AGO2: variants seen among roughly 807,000 people sequenced by gnomAD.
The protein encoded by AGO2 is protein argonaute-2.
A neutral mutation model predicts 102.3 loss-of-function variants in AGO2; 5 were observed. That is an observed-to-expected ratio of 0.05 (90% CI 0.03 to 0.10). AGO2 has a LOEUF of 0.10. Ranked by LOEUF, AGO2 falls within the 10% of genes least tolerant of loss-of-function variation. The pLI is 1.00. For missense variants in AGO2, 541 were observed against 1,183.7 expected, an observed-to-expected ratio of 0.46 and a Z score of 7.97; for synonymous variants, 449 against 473.1, an observed-to-expected ratio of 0.95 and a Z score of 0.66.
chr8:140,581,021 T>G (rs1004494310), intron 2 of AGO2, among the ~76,000 whole-genome samples: 1 of 152,368 alleles, frequency 6.6e-6, no homozygotes, highest in East Asian at 1.9e-4. Context: ...AACGAAGCCT[T>G]GGCCATGCCT....
chr8:140,567,197 A>G lies in AGO2; in HGVS notation c.337-4563T>C, dbSNP rs1273463181. Among the ~76,000 whole-genome samples, 1 of 152,250 alleles carries G rather than the reference A, an allele frequency of 6.6e-6. No individual in the cohort carries two copies. Among genetic ancestry groups the G allele is most frequent in the African/African-American group, 2.4e-5 (1 of 41,478 alleles). On this transcript the variant is annotated intron_variant, in intron 3 of 18. Coordinates refer to ENST00000220592, the MANE Select transcript of AGO2 (RefSeq NM_012154.5). This position sits in a 1 kb window ranked among gnomAD's most constrained non-coding sequence, Gnocchi z 5.0. ...TCCGCTTGGCCTGCAGAGAAAGGACAGCAGAGTCACCCCGGGCTCTGTAAC... is the reference window on the plus strand; with the variant it reads ...TCCGCTTGGCCTGCAGAGAAAGGACGGCAGAGTCACCCCGGGCTCTGTAAC...
chr8:140,605,616 G>A (rs1428300887), intron 1 of AGO2, among the ~76,000 whole-genome samples: 2 of 152,204 alleles, frequency 1.3e-5, no homozygotes, highest in Admixed American at 6.5e-5. Flanking sequence ...GGTGCCCAGC[G>A]GTAGGTCAGA....
chr8:140,551,616 G>C (rs2072996416), intron 10 of AGO2, among the ~76,000 whole-genome samples, 180 bp from the exon 11 acceptor site: 1 of 151,962 alleles, frequency 6.6e-6, no homozygotes, highest in South Asian at 2.1e-4. Flanking sequence ...AGGATCGGTA[G>C]ATGGATGGGC....
intron 1 of AGO2, among the ~76,000 whole-genome samples, chr8:140,605,127 CCT>C (rs1336397300): frequency 6.6e-6 from 1 of 152,048 alleles, no homozygotes; most frequent in African/African-American, 2.4e-5. Flanking sequence ...GTGGGGTCTT[CCT>C]CTCTTACTGA....
rs888079832 is a variant in AGO2 at position 140,520,378 on chromosome 8, G to T, written c.*11666C>A. The T allele has an allele frequency of 1.3e-5, 2 of 152,174 alleles. No homozygotes were observed. The highest frequency in any genetic ancestry group is 2.9e-5 in the Non-Finnish European group (2 of 68,022). 9.4% of individuals were successfully genotyped at this position (152,174 alleles called of 1,614,324 possible). A position where few individuals can be genotyped will look rare whatever the true frequency, so the allele number is the denominator to read the frequency against. ...ACAGTAAGAAACAAAACAAGTAACT[G>T]TTAGGTTTTCCATGAATTTATTGCA... On this transcript the variant is annotated 3_prime_UTR_variant, in exon 19 of 19. Transcript: ENST00000220592.
rs1401158591 is a variant in AGO2 at position 140,523,654 on chromosome 8, C to T, written c.*8390G>A. On this transcript the variant is annotated 3_prime_UTR_variant, in exon 19 of 19. Transcript: ENST00000220592. ...CATGAATTCATACCTTTAACAACTA[C>T]ATTAAAATCCACTATCAAACTCAGG... The T allele has an allele frequency of 6.6e-6, 1 of 152,200 alleles. No individual in the cohort carries two copies. The highest frequency in any genetic ancestry group is 1.5e-5 in the Non-Finnish European group (1 of 68,042). The allele number at this position is 152,200 out of a possible 1,614,324, so 9.4% of individuals were successfully genotyped here. A position where few individuals can be genotyped will look rare whatever the true frequency, so the allele number is the denominator to read the frequency against.
chr8:140,637,850 C>T (rs976853123), upstream of AGO2: 1 of 152,336 alleles, frequency 6.6e-6, no homozygotes, highest in African/African-American at 2.4e-5. Context: ...ACCTCTCCTG[C>T]CATTAGTGAA....
chr8:140,557,596 C>T lies in AGO2; in HGVS notation c.879-360G>A, dbSNP rs777104882. Among the ~76,000 whole-genome samples, 5 of 152,324 alleles carry T rather than the reference C, an allele frequency of 3.3e-5. No homozygotes were observed. Among genetic ancestry groups the T allele is most frequent in the African/African-American group, 4.8e-5 (2 of 41,562 alleles). On this transcript the variant is annotated intron_variant, in intron 7 of 18. Transcript: ENST00000220592. The surrounding 1 kb of genome is among the most constrained non-coding windows in gnomAD (Gnocchi z 5.9). Reference sequence around the variant, plus strand: ...AAGCCTTTTACGTGCCGCGCGCTCCCGGTGCCCAGAAGGCCTGAAGCCCCC... The same window carrying T: ...AAGCCTTTTACGTGCCGCGCGCTCCTGGTGCCCAGAAGGCCTGAAGCCCCC...
Position 140,540,074 on chromosome 8 carries a change from G to T in AGO2, c.2035-620C>A, listed in dbSNP as rs1008061155. 6.6e-6 allele frequency among the ~76,000 whole-genome samples: 1 copy of T among 152,090 alleles called. No individual in the cohort carries two copies. Among genetic ancestry groups the T allele is most frequent in the Non-Finnish European group, 1.5e-5 (1 of 68,020 alleles). On this transcript the variant is annotated intron_variant, in intron 15 of 18. Transcript: ENST00000220592. The surrounding 1 kb of genome is among the most constrained non-coding windows in gnomAD (Gnocchi z 5.0). Reference sequence around the variant, plus strand: ...CACTGCACTCCAGACTGGAGACAGCGAGAGTCTTTCTCAAAAAAAACAAAC... The same window carrying T: ...CACTGCACTCCAGACTGGAGACAGCTAGAGTCTTTCTCAAAAAAAACAAAC...
intron 1 of AGO2, among the ~76,000 whole-genome samples, chr8:140,609,362 AG>A (rs1197158992): frequency 1.3e-5 from 2 of 152,208 alleles, no homozygotes; most frequent in African/African-American, 4.8e-5. Flanking sequence ...TGGCCTGCGG[AG>A]ATCACAGGGG....
chr8:140,537,914 G>A (rs966523521), intron 16 of AGO2, among the ~76,000 whole-genome samples: 11 of 152,108 alleles, frequency 7.2e-5, no homozygotes, highest in Non-Finnish European at 1.5e-4. Flanking sequence ...TGCCTCCCAG[G>A]TTTAAGCAAT....
intron 1 of AGO2, among the ~76,000 whole-genome samples, chr8:140,587,622 G>C (rs1384773457): frequency 6.6e-6 from 1 of 152,236 alleles, no homozygotes; most frequent in Non-Finnish European, 1.5e-5. Context: ...AGATGGGGAT[G>C]ACAAGAAGGG....
chr8:140,570,032 T>C (rs1040270902), intron 3 of AGO2, among the ~76,000 whole-genome samples: 1 of 152,238 alleles, frequency 6.6e-6, no homozygotes, highest in South Asian at 2.1e-4. Flanking sequence ...TGGGACACGA[T>C]GCGAGAAGAT....
At chr8:140,632,416 G>A (rs538076650) in intron 1 of AGO2, among the ~76,000 whole-genome samples, 5 of 152,336 alleles carry the variant, frequency 3.3e-5, no homozygotes, top group African/African-American at 1.2e-4. Context: ...GGGGGAGAGG[G>A]GGCAGGAGGA....
chr8:140,561,341 G>A (rs1049487955), intron 4 of AGO2, among the ~76,000 whole-genome samples: 1 of 152,214 alleles, frequency 6.6e-6, no homozygotes, highest in East Asian at 1.9e-4. Context: ...CACCTGAGAC[G>A]TGCTAATAAT....
intron 2 of AGO2, among the ~76,000 whole-genome samples, chr8:140,581,172 G>A (rs1289339609): frequency 1.3e-5 from 2 of 152,262 alleles, no homozygotes; most frequent in Non-Finnish European, 1.5e-5. Flanking sequence ...GGAGGCCAAG[G>A]TGAGCAGACT....
At chr8:140,630,778 T>C (rs1681227941) in intron 1 of AGO2, among the ~76,000 whole-genome samples, 1 of 152,222 alleles carries the variant, frequency 6.6e-6, no homozygotes, top group African/African-American at 2.4e-5. Flanking sequence ...TCGCTTCTGC[T>C]GAAAGAGGAC....
Position 140,550,892 on chromosome 8 carries a change from G to A in AGO2, c.1403+411C>T, listed in dbSNP as rs900600844. On this transcript the variant is annotated intron_variant, in intron 11 of 18. Coordinates refer to ENST00000220592, the MANE Select transcript of AGO2 (RefSeq NM_012154.5). ...ATTACAGGCATGAGCCACTGTGCCC[G>A]ACCCATCTCTTCCTGATTCTGTCTT... is the stretch of plus-strand genomic sequence containing the variant. Among the ~76,000 whole-genome samples, 8 of 152,288 alleles carry A rather than the reference G, an allele frequency of 5.3e-5. No homozygotes were observed. In the South Asian group the frequency reaches 6.2e-4, roughly 12 times the overall value.
At chr8:140,609,462 C>A (rs371100423) in intron 1 of AGO2, among the ~76,000 whole-genome samples, 4 of 152,190 alleles carry the variant, frequency 2.6e-5, no homozygotes, top group African/African-American at 9.7e-5. Flanking sequence ...CACAGCAGGT[C>A]GGCACGGCGG....
Sources: gnomAD v4.1 joint callset for allele counts (sites outside exome capture counted in the v4.1 genomes callset) on GRCh38, gnomAD v4.1.1 for gene constraint, Gnocchi (gnomAD v3.1) non-coding constraint, MANE v1.5 for transcripts, NCBI Gene and HGNC (gene_info 2026-07-23, HGNC 2026-07-21) for gene names.